Variants in CACNB2 observed in about 807,000 individuals in gnomAD.
The protein encoded by CACNB2 is calcium voltage-gated channel auxiliary subunit beta 2, also known as voltage-dependent L-type calcium channel subunit beta-2.
In CACNB2, 42 loss-of-function variants were observed where a neutral mutation model predicts 73.3. The observed-to-expected ratio is 0.57, with a 90% confidence interval of 0.45 to 0.74. CACNB2 has a LOEUF of 0.74. CACNB2 is among the 30% of genes least tolerant of loss of function. CACNB2 has a pLI of 0.00. For synonymous variants in CACNB2, 348 were observed against 310.3 expected (o/e 1.12, Z -1.28); for missense variants, 940 against 853.0 (o/e 1.10, Z -1.27).
chr10:18,201,837 C>T (rs2034896021), intron 2 of CACNB2, among the ~76,000 whole-genome samples: 1 of 152,126 alleles, frequency 6.6e-6, no homozygotes, highest in Non-Finnish European at 1.5e-5. Flanking sequence ...ATTTTGTGTC[C>T]TTTAACAAAT....
At chr10:18,159,147 C>CTT (rs2032270535) in intron 2 of CACNB2, among the ~76,000 whole-genome samples, 1 of 152,100 alleles carries the variant, frequency 6.6e-6, no homozygotes, top group African/African-American at 2.4e-5. Context: ...AAGTTGAACA[C>CTT]CAAATGCTAA....
At chr10:18,156,889 AT>A (rs1241649775) in intron 2 of CACNB2, among the ~76,000 whole-genome samples, 1 of 150,958 alleles carries the variant, frequency 6.6e-6, no homozygotes, top group Non-Finnish European at 1.5e-5. Context: ...AAAAAAAAAA[AT>A]TGGCTGGGTG....
chr10:18,157,349 ATCTT>A (rs767586263), intron 2 of CACNB2, among the ~76,000 whole-genome samples: 1 of 152,300 alleles, frequency 6.6e-6, no homozygotes, highest in East Asian at 1.9e-4. Flanking sequence ...AAGTAACTGA[ATCTT>A]TCTGTACAGC....
chr10:18,261,111 T>G, intron 2 of CACNB2: 2 of 1,476,282 alleles, frequency 1.4e-6, no homozygotes, highest in Non-Finnish European at 1.8e-6. Flanking sequence ...GAACGGTGGC[T>G]TTTTTAGAAA....
chr10:18,170,213 T>A (rs2033133260), intron 2 of CACNB2, among the ~76,000 whole-genome samples: 1 of 152,140 alleles, frequency 6.6e-6, no homozygotes, highest in Non-Finnish European at 1.5e-5. Context: ...AGGAGGGGTG[T>A]TCCTTCTCAG....
chr10:18,218,518 A>G (rs759013631), intron 2 of CACNB2, among the ~76,000 whole-genome samples: 5 of 152,186 alleles, frequency 3.3e-5, no homozygotes, highest in African/African-American at 4.8e-5. Context: ...CTGCCATTCA[A>G]TTAGCTGTGT....
intron 3 of CACNB2, among the ~76,000 whole-genome samples, chr10:18,495,717 TA>T (rs1458173583): frequency 2.6e-5 from 4 of 151,930 alleles, no homozygotes; most frequent in South Asian, 2.1e-4. Flanking sequence ...CCTGGCCTTT[TA>T]AAAAAATATA....
At chr10:18,377,520 C>A (rs984348193) in intron 2 of CACNB2, among the ~76,000 whole-genome samples, 2 of 152,144 alleles carry the variant, frequency 1.3e-5, no homozygotes, top group Non-Finnish European at 2.9e-5. Context: ...TGGCCATGTT[C>A]CAATAAAATT....
chr10:18,315,523 A>AC (rs2040143746), intron 2 of CACNB2, among the ~76,000 whole-genome samples: 2 of 132,564 alleles, frequency 1.5e-5, no homozygotes, highest in Non-Finnish European at 3.3e-5. Flanking sequence ...AAAAAAAAAA[A>AC]AAAAACTTTT....
chr10:18,181,278 A>C (rs1176581526), intron 2 of CACNB2, among the ~76,000 whole-genome samples: 1 of 152,104 alleles, frequency 6.6e-6, no homozygotes, highest in African/African-American at 2.4e-5. Flanking sequence ...GTCCACCCTC[A>C]CACTGCAAAT....
At chr10:18,247,827 G>A (rs2036927994) in intron 2 of CACNB2, among the ~76,000 whole-genome samples, 1 of 152,120 alleles carries the variant, frequency 6.6e-6, no homozygotes, top group Non-Finnish European at 1.5e-5. Context: ...CTTTTCTGGG[G>A]TAAAGGAAAC....
intron 3 of CACNB2, among the ~76,000 whole-genome samples, chr10:18,407,109 C>CTTTTTTTTTTTTTTTTTTTTTG (rs2044335032): frequency 2.8e-5 from 1 of 35,572 alleles, no homozygotes; most frequent in African/African-American, 1.1e-4. Context: ...GCTGTTCTGT[C>CTTTTTTTTTTTTTTTTTTTTTG]TTTTTTTTTT....
intron 2 of CACNB2, among the ~76,000 whole-genome samples, chr10:18,382,878 G>T (rs989999324): frequency 6.6e-6 from 1 of 152,182 alleles, no homozygotes; most frequent in Non-Finnish European, 1.5e-5. Context: ...GTAATAGAAT[G>T]ATTTATATTC....
At chr10:18,412,759 A>T (rs1365166308) in intron 3 of CACNB2, among the ~76,000 whole-genome samples, 1 of 152,212 alleles carries the variant, frequency 6.6e-6, no homozygotes, top group African/African-American at 2.4e-5. Flanking sequence ...CCATTCAACC[A>T]AATGCTCAGG....
At chr10:18,244,350 TA>T in intron 2 of CACNB2, among the ~76,000 whole-genome samples, 1 of 152,310 alleles carries the variant, frequency 6.6e-6, no homozygotes, top group East Asian at 1.9e-4. Flanking sequence ...AAACATCATT[TA>T]AAAACTAAAA....
chr10:18,336,506 C>G (rs1167566365), intron 2 of CACNB2, among the ~76,000 whole-genome samples: 2 of 152,126 alleles, frequency 1.3e-5, no homozygotes, highest in East Asian at 3.9e-4. Flanking sequence ...GTAATTCCAG[C>G]TACTCGAGAG....
At chr10:18,404,348 G>A (rs1208880805) in intron 3 of CACNB2, among the ~76,000 whole-genome samples, 1 of 152,124 alleles carries the variant, frequency 6.6e-6, no homozygotes, top group Non-Finnish European at 1.5e-5. Context: ...AATAGGGATT[G>A]TAGAAGGCTA....
intron 2 of CACNB2, among the ~76,000 whole-genome samples, chr10:18,203,450 G>A (rs551696059): frequency 1.1e-4 from 17 of 152,330 alleles, no homozygotes; most frequent in African/African-American, 4.1e-4. Flanking sequence ...CACACCGTGA[G>A]TGAGAGCAGA....
rs145386992 is a variant in CACNB2, at chr10:18,420,690, G to A, written c.333+18647G>A. ...CCTCACAGACATACCCAGAAATATT[G>A]TTTAAATTTGCACCCTGTGGTGCAA... is the stretch of plus-strand genomic sequence containing the variant. On this transcript the variant is annotated intron_variant, in intron 3 of 13. Coordinates refer to ENST00000324631, the MANE Select transcript of CACNB2 (RefSeq NM_201596.3). Among the ~76,000 whole-genome samples the A allele has an allele frequency of 7.9e-3, 1,195 of 152,216 alleles. 17 individuals carry two copies. The highest frequency in any genetic ancestry group is 0.027 in the African/African-American group (1,132 of 41,522).
Sources: allele counts gnomAD v4.1 joint callset (sites outside exome capture counted in the v4.1 genomes callset), GRCh38; gene constraint gnomAD v4.1.1; transcripts MANE v1.5; gene names NCBI Gene and HGNC (gene_info 2026-07-23, HGNC 2026-07-21).